SH3GL2: variants seen among roughly 807,000 people sequenced by gnomAD.
The protein encoded by SH3GL2 is SH3 domain containing GRB2 like 2, endophilin A1.
In SH3GL2, 24 loss-of-function variants were observed where a neutral mutation model predicts 46.0. That is an observed-to-expected ratio of 0.52 (90% CI 0.38 to 0.73). SH3GL2 has a LOEUF of 0.73. Ranked by LOEUF, SH3GL2 falls within the 30% of genes least tolerant of loss-of-function variation. SH3GL2 has a pLI of 0.00. For missense variants in SH3GL2, 413 were observed against 424.2 expected (o/e 0.97, Z 0.23); for synonymous variants, 196 against 147.1 (o/e 1.33, Z -2.40).
chr9:17,735,485 C>T (rs10756910), intron 1 of SH3GL2, among the ~76,000 whole-genome samples: 39,357 of 152,030 alleles, frequency 0.26, 6,226 homozygotes, highest in East Asian at 0.5. Context: ...ACAATACTTA[C>T]TTGAACTGTG....
intron 3 of SH3GL2, among the ~76,000 whole-genome samples, chr9:17,784,301 AT>A (rs1349221736): frequency 6.6e-6 from 1 of 152,140 alleles, no homozygotes. Flanking sequence ...ACTGTTTAGA[AT>A]TACTTACCTG....
chr9:17,582,007 G>A (rs1255112571), intron 1 of SH3GL2, among the ~76,000 whole-genome samples: 2 of 152,332 alleles, frequency 1.3e-5, no homozygotes, highest in South Asian at 2.1e-4. Flanking sequence ...AGTGGAAGGA[G>A]TCTGTTCACG....
At position 17,761,440 on chromosome 9, in the gene SH3GL2, G is replaced by A. The variant is rs761266594; in HGVS notation, c.118G>A (p.Val40Met). The change falls in exon 3 of 9, where the codon GTG becomes ATG. Residue 40 changes from valine (V) to methionine (M), a missense_variant. Around this residue, in one of 3 missense-constraint regions of SH3GL2, gnomAD observed 160 missense variants for 192.3 expected, o/e 0.83. Coordinates refer to ENST00000380607, the MANE Select transcript of SH3GL2 (RefSeq NM_003026.5). ...DDDFKEMERK[V>M]DVTSRAVMEI... Reference sequence around the variant, plus strand: ...AGCACTTATTTTCTCATTTCAGAAAGTGGATGTCACCAGCAGGGCTGTGAT... The same window carrying A: ...AGCACTTATTTTCTCATTTCAGAAAATGGATGTCACCAGCAGGGCTGTGAT... 20 of 1,599,016 alleles carry A rather than the reference G, an allele frequency of 1.3e-5. No individual in the cohort carries two copies. The highest frequency in any genetic ancestry group is 1.4e-5 in the Non-Finnish European group (16 of 1,166,302).
intron 1 of SH3GL2, among the ~76,000 whole-genome samples, chr9:17,722,001 CAT>C (rs1486868308): frequency 3.3e-5 from 5 of 152,064 alleles, no homozygotes; most frequent in Non-Finnish European, 7.4e-5. Context: ...GCCTGAGACA[CAT>C]GTATGATTTT....
At chr9:17,756,320 A>T (rs1276448752) in intron 2 of SH3GL2, among the ~76,000 whole-genome samples, 4 of 151,584 alleles carry the variant, frequency 2.6e-5, no homozygotes, top group Non-Finnish European at 5.9e-5. Context: ...TCTTTTTTTT[A>T]TTTTTATTTT....
intron 3 of SH3GL2, among the ~76,000 whole-genome samples, chr9:17,761,785 A>T (rs2296367): frequency 6.6e-5 from 10 of 152,096 alleles, no homozygotes; most frequent in African/African-American, 1.4e-4. Context: ...ACATAATATC[A>T]GAGTAGCTAT....
At chr9:17,692,184 C>A (rs971618412) in intron 1 of SH3GL2, among the ~76,000 whole-genome samples, 28 of 151,888 alleles carry the variant, frequency 1.8e-4, no homozygotes, top group African/African-American at 5.8e-4. Flanking sequence ...GTAGAGGGTG[C>A]TTGCTATGTA....
chr9:17,730,318 G>C (rs896150024), intron 1 of SH3GL2, among the ~76,000 whole-genome samples: 40 of 152,214 alleles, frequency 2.6e-4, no homozygotes, highest in East Asian at 9.7e-4. Context: ...TTTTAATCCT[G>C]AGACTGCTGA....
At chr9:17,632,955 T>A (rs1819465296) in intron 1 of SH3GL2, among the ~76,000 whole-genome samples, 1 of 152,176 alleles carries the variant, frequency 6.6e-6, no homozygotes, top group African/African-American at 2.4e-5. Context: ...AAGGAGAGTA[T>A]TAGCCTGAGG....
chr9:17,634,715 A>G (rs749685706), intron 1 of SH3GL2, among the ~76,000 whole-genome samples: 1 of 152,134 alleles, frequency 6.6e-6, no homozygotes, highest in African/African-American at 2.4e-5. Context: ...TTTCCTTTAT[A>G]TGTCTTCAGT....
At chr9:17,758,630 G>A (rs922783642) in intron 2 of SH3GL2, among the ~76,000 whole-genome samples, 16 of 140,980 alleles carry the variant, frequency 1.1e-4, no homozygotes, top group African/African-American at 4.1e-4. Context: ...GAATGGATTT[G>A]CCAAAAGTGG....
intron 1 of SH3GL2, among the ~76,000 whole-genome samples, chr9:17,640,172 C>T (rs2134641721): frequency 6.9e-6 from 1 of 145,116 alleles, no homozygotes; most frequent in East Asian, 2.1e-4. Context: ...AACTTGTACC[C>T]CAGTAAAAAC....
intron 3 of SH3GL2, among the ~76,000 whole-genome samples, chr9:17,784,305 CT>C (rs1272332587): frequency 6.6e-6 from 1 of 152,126 alleles, no homozygotes; most frequent in Non-Finnish European, 1.5e-5. Context: ...TTTAGAATTA[CT>C]TACCTGGAGA....
intron 1 of SH3GL2, among the ~76,000 whole-genome samples, chr9:17,588,900 C>A (rs1028720983): frequency 6.6e-6 from 1 of 152,088 alleles, no homozygotes; most frequent in Admixed American, 6.6e-5. Context: ...GTAACATGGC[C>A]CCTCTGTGGT....
At chr9:17,769,205 A>G (rs1052420847) in intron 3 of SH3GL2, among the ~76,000 whole-genome samples, 2 of 152,170 alleles carry the variant, frequency 1.3e-5, no homozygotes, top group Non-Finnish European at 2.9e-5. Flanking sequence ...ACCACTTCAG[A>G]TGTACATTTA....
chr9:17,631,820 G>A (rs1819432897), intron 1 of SH3GL2, among the ~76,000 whole-genome samples: 1 of 152,174 alleles, frequency 6.6e-6, no homozygotes, highest in Non-Finnish European at 1.5e-5. Context: ...GAAAAGTAAA[G>A]AGGTTGGCTT....
chr9:17,796,658 C>T lies in SH3GL2; in HGVS notation c.*915C>T, dbSNP rs1436509589. On this transcript the variant is annotated 3_prime_UTR_variant, in exon 9 of 9. Coordinates refer to ENST00000380607, the MANE Select transcript of SH3GL2 (RefSeq NM_003026.5). ...AAGAAAACACTAGTAACCATCTTTC[C>T]ACTAGTTCATATACTGAGAAACAGT... The T allele has an allele frequency of 1.3e-5, 2 of 152,616 alleles. No homozygotes were observed. The highest frequency in any genetic ancestry group is 2.9e-5 in the Non-Finnish European group (2 of 68,050). The allele number at this position is 152,616 out of a possible 1,614,324, so 9.5% of individuals were successfully genotyped here.
At chr9:17,730,818 AGTT>A (rs1433202490) in intron 1 of SH3GL2, among the ~76,000 whole-genome samples, 5 of 152,106 alleles carry the variant, frequency 3.3e-5, no homozygotes, top group Non-Finnish European at 7.4e-5. Context: ...AGGAAACTAT[AGTT>A]CTTTGGGAAA....
chr9:17,737,594 C>G (rs1822378488), intron 1 of SH3GL2, among the ~76,000 whole-genome samples: 1 of 152,232 alleles, frequency 6.6e-6, no homozygotes, highest in African/African-American at 2.4e-5. Flanking sequence ...ACCTCCTTGC[C>G]CGTCCTCTGA....
Sources: allele counts gnomAD v4.1 joint callset (sites outside exome capture counted in the v4.1 genomes callset), GRCh38; gene constraint gnomAD v4.1.1; regional missense constraint gnomAD v4.1.1; transcripts MANE v1.5; gene names NCBI Gene and HGNC (gene_info 2026-07-23, HGNC 2026-07-21).